The following PARN variants were observed in gnomAD, a reference collection of about 807,000 sequenced individuals.
The protein encoded by PARN is poly(A)-specific ribonuclease, also known as poly(A)-specific ribonuclease PARN.
PARN carries 71 observed loss-of-function variants against 102.8 expected under a neutral mutation model. That is an observed-to-expected ratio of 0.69 (90% CI 0.57 to 0.84). PARN has a LOEUF of 0.84. Ranked by LOEUF, PARN falls within the 40% of genes least tolerant of loss-of-function variation. The probability of loss-of-function intolerance (pLI) is 0.00; values close to 1 mark genes in which losing one functional copy is unlikely to be tolerated. For missense variants in PARN, 782 were observed against 760.9 expected (o/e 1.03, Z -0.33); for synonymous variants, 261 against 252.9 (o/e 1.03, Z -0.30).
intron 22 of PARN, 119 bp from the exon 23 acceptor site, chr16:14,447,200 G>A (rs1428072503): frequency 3.5e-6 from 2 of 569,350 alleles, no homozygotes; most frequent in Admixed American, 3.6e-5. Context: ...AACAACATGG[G>A]CAGCTGCTGC....
chr16:14,515,149 T>C (rs1965398896), intron 21 of PARN, among the ~76,000 whole-genome samples: 2 of 152,228 alleles, frequency 1.3e-5, no homozygotes, highest in Admixed American at 1.3e-4. Context: ...TGTCTCTTAC[T>C]GATCAGCCTT....
At chr16:14,608,255 C>G (rs1026004773) in intron 9 of PARN, 26 bp downstream of exon 9, 18 of 1,490,786 alleles carry the variant, frequency 1.2e-5, no homozygotes, top group Non-Finnish European at 1.5e-5. Flanking sequence ...CCCCACAGAG[C>G]TGCTGCATAC....
chr16:14,468,883 A>ATAGAT (rs1555481211), intron 22 of PARN, among the ~76,000 whole-genome samples: 6 of 98,504 alleles, frequency 6.1e-5, no homozygotes, highest in Admixed American at 3.2e-4. Context: ...TACTAAATAG[A>ATAGAT]TAGATAGATA....
At chr16:14,600,383 T>C (rs1439590288) in intron 11 of PARN, among the ~76,000 whole-genome samples, 1 of 151,350 alleles carries the variant, frequency 6.6e-6, no homozygotes, top group Non-Finnish European at 1.5e-5. Flanking sequence ...TAATTCCTGA[T>C]TTTTTTTCCT....
At chr16:14,468,532 G>A (rs1962509134) in intron 22 of PARN, among the ~76,000 whole-genome samples, 1 of 152,104 alleles carries the variant, frequency 6.6e-6, no homozygotes, top group South Asian at 2.1e-4. Context: ...CCCAGTGTTG[G>A]GCAGCAAGGA....
Position 14,627,091 on chromosome 16 carries a change from A to T in PARN, c.327+15T>A, listed in dbSNP as rs780508767. On this transcript the variant is annotated intron_variant, in intron 5 of 23. Coordinates refer to ENST00000437198, the MANE Select transcript of PARN (RefSeq NM_002582.4). ...CAGCAATTCAGAAAAGAAAAATCTC[A>T]ATTATGCTACTTACCTGACAAACAA... 3 of 1,478,862 alleles carry T rather than the reference A, an allele frequency of 2.0e-6. No homozygotes were observed. Among genetic ancestry groups the T allele is most frequent in the Non-Finnish European group, 2.8e-6 (3 of 1,062,528 alleles). 91.6% of individuals were successfully genotyped at this position (1,478,862 alleles called of 1,614,324 possible).
At chr16:14,593,653 C>T (rs1299524376) in intron 12 of PARN, among the ~76,000 whole-genome samples, 1 of 151,550 alleles carries the variant, frequency 6.6e-6, no homozygotes, top group Non-Finnish European at 1.5e-5. Flanking sequence ...TTAATTATGC[C>T]ACCCTCATGA....
chr16:14,587,891 G>A (rs1271815278), intron 13 of PARN, among the ~76,000 whole-genome samples: 1 of 152,136 alleles, frequency 6.6e-6, no homozygotes, highest in African/African-American at 2.4e-5. Flanking sequence ...TTCATTAACT[G>A]CTTACATACA....
chr16:14,484,258 C>G (rs551674601), intron 21 of PARN, among the ~76,000 whole-genome samples: 5 of 152,280 alleles, frequency 3.3e-5, no homozygotes, highest in East Asian at 1.9e-4. Flanking sequence ...CCATGCTGCC[C>G]CCTCTTCTGA....
At chr16:14,593,168 C>A in intron 13 of PARN, 133 bp downstream of exon 13, 1 of 573,222 alleles carries the variant, frequency 1.7e-6, no homozygotes, top group Non-Finnish European at 3.1e-6. Flanking sequence ...GCATAAGATT[C>A]TCTCTGGGAA....
intron 20 of PARN, 50 bp downstream of exon 20, chr16:14,554,014 TA>T (rs1967494996): frequency 8.4e-7 from 1 of 1,186,456 alleles, no homozygotes; most frequent in South Asian, 1.3e-5. Flanking sequence ...TGACCACCTA[TA>T]CCAAATGAAT....
chr16:14,581,481 T>A (rs1407920699), intron 17 of PARN, among the ~76,000 whole-genome samples: 1 of 152,090 alleles, frequency 6.6e-6, no homozygotes, highest in African/African-American at 2.4e-5. Context: ...ATTGGGTGAG[T>A]GGATCCCAAG....
At chr16:14,605,263 C>G (rs965437980) in intron 10 of PARN, among the ~76,000 whole-genome samples, 15 of 152,108 alleles carry the variant, frequency 9.9e-5, no homozygotes, top group Non-Finnish European at 1.9e-4. Flanking sequence ...TTTCATGAGC[C>G]AAATACAACA....
intron 10 of PARN, among the ~76,000 whole-genome samples, chr16:14,604,653 T>C (rs2151788327): frequency 6.6e-6 from 1 of 152,256 alleles, no homozygotes; most frequent in Non-Finnish European, 1.5e-5. Flanking sequence ...TCTCACTCTG[T>C]CACCCAAGCT....
Position 14,584,755 on chromosome 16 carries a change from A to C in PARN, c.999T>G (p.Pro333=). 2 of 1,573,252 alleles carry C rather than the reference A, an allele frequency of 1.3e-6. No individual in the cohort carries two copies. Among genetic ancestry groups the C allele is most frequent in the Non-Finnish European group, 1.7e-6 (2 of 1,164,062 alleles). Residue 333 remains proline (P), a synonymous_variant, in exon 15 of 24, where the codon CCT becomes CCG. Coordinates refer to ENST00000437198, the MANE Select transcript of PARN (RefSeq NM_002582.4). ...AGTAGCAAATGAATAATACCTTAAAAGGTTGTGTGCTGGCCATCAATTTAG... is the reference window on the plus strand; with the variant it reads ...AGTAGCAAATGAATAATACCTTAAACGGTTGTGTGCTGGCCATCAATTTAG... ...LDTKLMASTQ[P]FKDIINNTSL...
chr16:14,517,030 A>G (rs1422414310), intron 21 of PARN, among the ~76,000 whole-genome samples: 1 of 152,218 alleles, frequency 6.6e-6, no homozygotes, highest in African/African-American at 2.4e-5. Flanking sequence ...GCTAATTTCA[A>G]TATTGGTCAT....
intron 21 of PARN, among the ~76,000 whole-genome samples, chr16:14,547,967 G>T (rs769913552): frequency 6.6e-6 from 1 of 151,772 alleles, no homozygotes; most frequent in Non-Finnish European, 1.5e-5. Flanking sequence ...AATAGGGGCC[G>T]GGCGCGGTGG....
At chr16:14,610,470 CAA>C (rs554927448) in intron 7 of PARN, among the ~76,000 whole-genome samples, 172 bp downstream of exon 7, 23 of 91,286 alleles carry the variant, frequency 2.5e-4, no homozygotes, top group Admixed American at 6.0e-4. Flanking sequence ...AAGACTGTCT[CAA>C]AAAAAAAAAA....
Position 14,590,689 on chromosome 16 carries a change from G to C in PARN, c.918+2612C>G, listed in dbSNP as rs1414089326. 4.0e-5 allele frequency among the ~76,000 whole-genome samples: 6 copies of C among 150,494 alleles called. No homozygotes were observed. In the South Asian group the frequency reaches 1.3e-3, roughly 32 times the overall value. On this transcript the variant is annotated intron_variant, in intron 13 of 23. Transcript: ENST00000437198. ...TCCATACCTTTTACACTTGTTTTGA[G>C]ACCCACAACTATGAAGTCTTTGAGT...
Sources: gnomAD v4.1 joint callset for allele counts (sites outside exome capture counted in the v4.1 genomes callset) on GRCh38, gnomAD v4.1.1 for gene constraint, MANE v1.5 for transcripts, NCBI Gene and HGNC (gene_info 2026-07-23, HGNC 2026-07-21) for gene names.